Variants in KIAA1217 observed in about 807,000 individuals in gnomAD.
The protein encoded by KIAA1217 is sickle tail protein homolog.
In KIAA1217, 88 loss-of-function variants were observed where a neutral mutation model predicts 163.9. That is an observed-to-expected ratio of 0.54 (90% CI 0.45 to 0.64). KIAA1217 has a LOEUF of 0.64. Among genes scored for constraint, KIAA1217 ranks in the 30% least tolerant of loss-of-function variants. The pLI is 0.00. For synonymous variants in KIAA1217, 903 were observed against 923.1 expected, an observed-to-expected ratio of 0.98 and a Z score of 0.39; for missense variants, 2,372 against 2,475.0, an observed-to-expected ratio of 0.96 and a Z score of 0.88.
At chr10:23,856,492 C>T (rs1017163576) in intron 1 of KIAA1217, among the ~76,000 whole-genome samples, 33 of 152,352 alleles carry the variant, frequency 2.2e-4, no homozygotes, top group African/African-American at 5.3e-4. Flanking sequence ...GGCAGTCTGC[C>T]GGTTCTCAGA....
At chr10:24,002,072 C>A (rs548835301) in intron 1 of KIAA1217, among the ~76,000 whole-genome samples, 2 of 152,262 alleles carry the variant, frequency 1.3e-5, no homozygotes, top group South Asian at 4.1e-4. Flanking sequence ...GGAAAAGAAA[C>A]CAAGAGGCAG....
intron 2 of KIAA1217, among the ~76,000 whole-genome samples, chr10:24,100,878 A>G (rs1038680088): frequency 6.6e-6 from 1 of 152,204 alleles, no homozygotes; most frequent in South Asian, 2.1e-4. Context: ...ATGAACTAGG[A>G]AAATAAAAAT....
At chr10:24,057,420 A>G (rs919305923) in intron 2 of KIAA1217, among the ~76,000 whole-genome samples, 2 of 152,112 alleles carry the variant, frequency 1.3e-5, no homozygotes, top group Non-Finnish European at 2.9e-5. Context: ...TTACATAGTA[A>G]CTCGCCATTT....
intron 2 of KIAA1217, among the ~76,000 whole-genome samples, chr10:24,370,415 CATG>C (rs1213162028): frequency 6.6e-6 from 1 of 152,076 alleles, no homozygotes; most frequent in East Asian, 1.9e-4. Flanking sequence ...TCCTGACATA[CATG>C]ATATTTTACA....
At chr10:23,865,782 G>A (rs999802104) in intron 1 of KIAA1217, among the ~76,000 whole-genome samples, 1 of 151,946 alleles carries the variant, frequency 6.6e-6, no homozygotes, top group Non-Finnish European at 1.5e-5. Flanking sequence ...ATTTATTAAG[G>A]TTATTAAATT....
chr10:24,537,002 T>C, intron 17 of KIAA1217, 109 bp downstream of exon 17: 3 of 1,326,424 alleles, frequency 2.3e-6, no homozygotes, highest in Non-Finnish European at 3.1e-6. Flanking sequence ...CTTTTTTCTC[T>C]CTCTTTTTTT....
At position 24,545,042 on chromosome 10, in the gene KIAA1217, C is replaced by A; in HGVS notation, c.5273C>A (p.Pro1758His). 6.2e-7 allele frequency: 1 copy of A among 1,614,170 alleles called. No individual in the cohort carries two copies. Among genetic ancestry groups the A allele is most frequent in the Non-Finnish European group, 8.5e-7 (1 of 1,180,028 alleles). The change falls in exon 20 of 21, where the codon CCC (proline) becomes CAC (histidine). Residue 1758 changes from proline to histidine, a missense_variant. Coordinates refer to ENST00000376454, the MANE Select transcript of KIAA1217 (RefSeq NM_019590.5). ...GTCCCCATGAGTGCCAAGAACAGAC[C>A]CGGAACCCTGGACAAACCCGGCAAG... is the stretch of plus-strand genomic sequence containing the variant. ...MPVPMSAKNR[P>H]GTLDKPGKQS...
intron 2 of KIAA1217, among the ~76,000 whole-genome samples, chr10:24,228,883 CA>C (rs1408026731): frequency 6.6e-6 from 1 of 152,184 alleles, no homozygotes; most frequent in Non-Finnish European, 1.5e-5. Context: ...AACATATTAA[CA>C]GATATTCCTA....
At chr10:23,953,815 T>C (rs561390998) in intron 1 of KIAA1217, among the ~76,000 whole-genome samples, 7 of 152,314 alleles carry the variant, frequency 4.6e-5, no homozygotes, top group African/African-American at 1.7e-4. Context: ...CCATACTCAG[T>C]TATATCAAGT....
chr10:23,950,354 C>A (rs1844275333), intron 1 of KIAA1217, among the ~76,000 whole-genome samples: 1 of 151,938 alleles, frequency 6.6e-6, no homozygotes, highest in Non-Finnish European at 1.5e-5. Flanking sequence ...TTGAACATGT[C>A]TTCTATGTTT....
At chr10:24,244,286 T>C (rs1235066802) in intron 2 of KIAA1217, among the ~76,000 whole-genome samples, 1 of 152,124 alleles carries the variant, frequency 6.6e-6, no homozygotes, top group Non-Finnish European at 1.5e-5. Context: ...GAGCAGAGAG[T>C]TCTCCTGGGT....
intron 1 of KIAA1217, among the ~76,000 whole-genome samples, chr10:23,858,540 T>C (rs1353382370): frequency 6.6e-6 from 1 of 151,960 alleles, no homozygotes; most frequent in Non-Finnish European, 1.5e-5. Context: ...ATAGCAGATA[T>C]CAGTATCATT....
intron 1 of KIAA1217, among the ~76,000 whole-genome samples, chr10:23,965,872 T>A (rs1428858645): frequency 6.6e-6 from 1 of 152,176 alleles, no homozygotes; most frequent in Non-Finnish European, 1.5e-5. Context: ...TACCTTAACA[T>A]GTTTAAAATG....
At chr10:23,964,984 A>G (rs1441725710) in intron 1 of KIAA1217, among the ~76,000 whole-genome samples, 2 of 152,226 alleles carry the variant, frequency 1.3e-5, no homozygotes, top group Non-Finnish European at 2.9e-5. Flanking sequence ...GACTTCTATT[A>G]GAGGCAAAGG....
intron 2 of KIAA1217, among the ~76,000 whole-genome samples, chr10:24,090,435 C>T (rs1394358016): frequency 6.8e-6 from 1 of 147,626 alleles, no homozygotes; most frequent in African/African-American, 2.6e-5. Context: ...CCACCTCAGG[C>T]TCCCAAAGTC....
intron 5 of KIAA1217, among the ~76,000 whole-genome samples, chr10:24,440,632 G>A (rs2060420021): frequency 6.6e-6 from 1 of 152,140 alleles, no homozygotes; most frequent in Non-Finnish European, 1.5e-5. Context: ...CTGCAGAGTG[G>A]TTCTGTTCTT....
At chr10:23,837,529 A>G (rs189084090) in intron 1 of KIAA1217, among the ~76,000 whole-genome samples, 81 of 151,942 alleles carry the variant, frequency 5.3e-4, no homozygotes, top group African/African-American at 2.0e-3. Flanking sequence ...CTTTCCAGCA[A>G]TCTCAGTCAT....
chr10:23,918,248 G>A (rs560999368), intron 1 of KIAA1217, among the ~76,000 whole-genome samples: 1 of 149,970 alleles, frequency 6.7e-6, no homozygotes, highest in African/African-American at 2.5e-5. Context: ...TCCTGTCTTA[G>A]CCTCCTAAAG....
intron 1 of KIAA1217, among the ~76,000 whole-genome samples, chr10:23,771,596 T>C (rs925422907): frequency 6.6e-6 from 1 of 152,218 alleles, no homozygotes; most frequent in African/African-American, 2.4e-5. Context: ...GTCAGGTACA[T>C]AATGTGTTCT....
Sources: gnomAD v4.1 joint callset for allele counts (sites outside exome capture counted in the v4.1 genomes callset) on GRCh38, gnomAD v4.1.1 for gene constraint, MANE v1.5 for transcripts, NCBI Gene and HGNC (gene_info 2026-07-23, HGNC 2026-07-21) for gene names.